The following COL5A3 variants were observed in gnomAD, a reference collection of about 807,000 sequenced individuals.
COL5A3 encodes the protein collagen type V alpha 3 chain.
COL5A3 carries 172 observed loss-of-function variants against 250.0 expected under a neutral mutation model. The observed-to-expected ratio is 0.69, with a 90% confidence interval of 0.61 to 0.78. COL5A3 has a LOEUF of 0.78. Among genes scored for constraint, COL5A3 ranks in the 30% least tolerant of loss-of-function variants. COL5A3 has a pLI of 0.00. For synonymous variants in COL5A3, 937 were observed against 900.4 expected (o/e 1.04, Z -0.73); for missense variants, 2,340 against 2,334.4 (o/e 1.00, Z -0.05).
At chr19:10,006,508 A>G (rs2087446572) in intron 1 of COL5A3, among the ~76,000 whole-genome samples, 1 of 151,116 alleles carries the variant, frequency 6.6e-6, no homozygotes, top group Non-Finnish European at 1.5e-5. Context: ...TAGTTCTGGG[A>G]TGAATCAAAA....
At chr19:9,966,811 A>T in intron 62 of COL5A3, 65 bp from the exon 63 acceptor site, 4 of 1,252,296 alleles carry the variant, frequency 3.2e-6, no homozygotes, top group Non-Finnish European at 4.4e-6. Flanking sequence ...AGGGAGAAAG[A>T]GAGACAGGCA....
chr19:9,973,901 C>T lies in COL5A3; in HGVS notation c.3558+18G>A, dbSNP rs1464605501. ...TGTCCCCATCTCTGAGCCTTCCTGGCCCCCCAAGAGTTCTCACCTCTGATC... is the reference window on the plus strand; with the variant it reads ...TGTCCCCATCTCTGAGCCTTCCTGGTCCCCCAAGAGTTCTCACCTCTGATC... On this transcript the variant is annotated intron_variant, in intron 48 of 66. Transcript: ENST00000264828. The T allele has an allele frequency of 1.0e-5, 16 of 1,587,978 alleles. No homozygotes were observed. The highest frequency in any genetic ancestry group is 1.3e-5 in the African/African-American group (1 of 74,238).
At position 9,973,490 on chromosome 19, in the gene COL5A3, G is replaced by A. The variant is rs1219207372; in HGVS notation, c.3666+80C>T. On this transcript the variant is annotated intron_variant, in intron 50 of 66. Transcript: ENST00000264828. ...TGAGTGGATGATCTTGCACTGTCCA[G>A]AGGTCAAAGTGGCCCAAGATGCCCA... is the stretch of plus-strand genomic sequence containing the variant. 3.5e-6 allele frequency: 5 copies of A among 1,423,418 alleles called. No individual in the cohort carries two copies. In the Admixed American group the frequency reaches 7.6e-5, roughly 22 times the overall value. The allele number at this position is 1,423,418 out of a possible 1,614,324, so 88.2% of individuals were successfully genotyped here. A position where few individuals can be genotyped will look rare whatever the true frequency, so the allele number is the denominator to read the frequency against.
intron 13 of COL5A3, 63 bp from the exon 14 acceptor site, chr19:9,996,325 G>A (rs2087271467): frequency 2.6e-6 from 4 of 1,547,566 alleles, no homozygotes; most frequent in Middle Eastern, 2.1e-4. Context: ...TCCCCACAGA[G>A]GCATCTTCAG....
At chr19:10,001,339 A>T (rs994901530) in intron 8 of COL5A3, among the ~76,000 whole-genome samples, 185 bp downstream of exon 8, 16 of 151,884 alleles carry the variant, frequency 1.1e-4, no homozygotes, top group Non-Finnish European at 2.1e-4. Context: ...TAGACATGGG[A>T]TTTCACCACG....
chr19:9,978,575 T>A lies in COL5A3; in HGVS notation c.3017A>T (p.Asn1006Ile). 6.3e-7 allele frequency: 1 copy of A among 1,578,906 alleles called. No individual in the cohort carries two copies. The highest frequency in any genetic ancestry group is 1.1e-5 in the South Asian group (1 of 88,402). Residue 1006 changes from asparagine (N) to isoleucine (I), a missense_variant and splice_region_variant, in exon 41 of 67, where the codon AAT becomes ATT. Physicochemically the swap from Asn to Ile is moderately radical, Grantham distance 149 (BLOSUM62 -3). Coordinates refer to ENST00000264828, the MANE Select transcript of COL5A3 (RefSeq NM_015719.4). Reference sequence around the variant, plus strand: ...CCCAGCACATGGGGTTATACTTACATTGGCCCCCACGGGCCCTGGGGGGCC... The same window carrying A: ...CCCAGCACATGGGGTTATACTTACAATGGCCCCCACGGGCCCTGGGGGGCC... Reference protein sequence around the residue: ...DKGPPGPVGANGSPGERGPLG... With the variant: ...DKGPPGPVGAIGSPGERGPLG...
At chr19:9,974,635 G>T (rs1235570371) in intron 45 of COL5A3, among the ~76,000 whole-genome samples, 1 of 152,122 alleles carries the variant, frequency 6.6e-6, no homozygotes, top group African/African-American at 2.4e-5. Flanking sequence ...TGCAGTTGAG[G>T]TTCAGTTCTT....
chr19:9,994,900 G>T (rs2087247514), intron 16 of COL5A3, among the ~76,000 whole-genome samples: 1 of 151,652 alleles, frequency 6.6e-6, no homozygotes, highest in Non-Finnish European at 1.5e-5. Context: ...CATGGGACCA[G>T]CATCTTATTT....
In COL5A3 at chr19:10,001,687, A is replaced by G; in HGVS notation, c.964-17T>C. ...CAAGCTCCTCTGAGAACGTTAGGAA[A>G]GACCAAAGTTTTCCCTGACCTCCTT... On this transcript the variant is annotated splice_polypyrimidine_tract_variant and intron_variant, in intron 7 of 66. Transcript: ENST00000264828. 2 of 1,613,518 alleles carry G rather than the reference A, an allele frequency of 1.2e-6. No individual in the cohort carries two copies. Among genetic ancestry groups the G allele is most frequent in the Non-Finnish European group, 1.7e-6 (2 of 1,179,666 alleles).
intron 1 of COL5A3, among the ~76,000 whole-genome samples, chr19:10,008,826 G>A (rs984672986): frequency 6.6e-6 from 1 of 152,144 alleles, no homozygotes; most frequent in Non-Finnish European, 1.5e-5. Context: ...TCTGATGGGG[G>A]AGTGCCGTTC....
intron 27 of COL5A3, among the ~76,000 whole-genome samples, chr19:9,988,121 C>T (rs1042410896): frequency 1.3e-5 from 2 of 152,082 alleles, no homozygotes; most frequent in Non-Finnish European, 2.9e-5. Context: ...TGTAATACCA[C>T]TACTCGAGAG....
chr19:9,970,149 A>T (rs1477171779), intron 54 of COL5A3, among the ~76,000 whole-genome samples: 4 of 26,360 alleles, frequency 1.5e-4, no homozygotes, highest in East Asian at 2.3e-3. Flanking sequence ...GCTGTGGGTG[A>T]GTGGGGTCTG....
In COL5A3 at chr19:9,974,906, G is replaced by C. The variant is rs186562292; in HGVS notation, c.3343-498C>G. On this transcript the variant is annotated intron_variant, in intron 45 of 66. Coordinates refer to ENST00000264828, the MANE Select transcript of COL5A3 (RefSeq NM_015719.4). ...TTTTGTTTGTTTGTTTTTGTTTTTT[G>C]TTTTGTTTTGAGAAGGAGTCTCACT... Among the ~76,000 whole-genome samples, 1,097 of 152,050 alleles carry C rather than the reference G, an allele frequency of 7.2e-3. 10 individuals are homozygous for C. The highest frequency in any genetic ancestry group is 0.025 in the African/African-American group (1,028 of 41,508).
rs2087227578 is a variant in COL5A3, at chr19:9,993,612, C to T, written c.1695+7G>A. 4 of 1,613,928 alleles carry T rather than the reference C, an allele frequency of 2.5e-6. No homozygotes were observed. The highest frequency in any genetic ancestry group is 2.5e-6 in the Non-Finnish European group (3 of 1,179,962). Reference sequence around the variant, plus strand: ...TTAGACTTGGGGGAGGGACCTCACACACTCACCCTTTGGCCCTTCTCACCA... The same window carrying T: ...TTAGACTTGGGGGAGGGACCTCACATACTCACCCTTTGGCCCTTCTCACCA... On this transcript the variant is annotated splice_region_variant and intron_variant, in intron 18 of 66. Coordinates refer to ENST00000264828, the MANE Select transcript of COL5A3 (RefSeq NM_015719.4).
At chr19:9,988,486 C>G (rs572055222) in intron 27 of COL5A3, among the ~76,000 whole-genome samples, 1 of 152,226 alleles carries the variant, frequency 6.6e-6, no homozygotes, top group African/African-American at 2.4e-5. Context: ...GGTTGCAGCT[C>G]TTGGCTTAAC....
chr19:9,977,433 T>C lies in COL5A3; in HGVS notation c.3166A>G (p.Ile1056Val), dbSNP rs1192554102. ...GPPGPTGKDG[I>V]PGPLGPLGPP... Reference sequence around the variant, plus strand: ...CCCAGAGGCCCCAGGGGCCCTGGGATCCCATCTTTGCCAGTGGGGCCAGGG... The same window carrying C: ...CCCAGAGGCCCCAGGGGCCCTGGGACCCCATCTTTGCCAGTGGGGCCAGGG... The change falls in exon 43 of 67, where the codon ATC becomes GTC. Residue 1056 changes from isoleucine to valine, a missense_variant. Ile to Val is a conservative substitution (Grantham distance 29, BLOSUM62 3). Around this residue, in one of 3 missense-constraint regions of COL5A3, gnomAD observed 1,179 missense variants for 1,162.6 expected, o/e 1.01. Transcript: ENST00000264828. 2 of 1,524,232 alleles carry C rather than the reference T, an allele frequency of 1.3e-6. No individual in the cohort carries two copies. Among genetic ancestry groups the C allele is most frequent in the Non-Finnish European group, 1.8e-6 (2 of 1,138,004 alleles). 94.4% of individuals were successfully genotyped at this position (1,524,232 alleles called of 1,614,324 possible).
At chr19:9,980,727 C>A in intron 34 of COL5A3, 35 bp from the exon 35 acceptor site, 1 of 1,614,156 alleles carries the variant, frequency 6.2e-7, no homozygotes, top group Non-Finnish European at 8.5e-7. Flanking sequence ...GGCCCCAGAA[C>A]AAACTCAACT....
intron 15 of COL5A3, 183 bp downstream of exon 15, chr19:9,995,883 A>G (rs1295904399): frequency 1.5e-6 from 1 of 656,726 alleles, no homozygotes; most frequent in African/African-American, 1.8e-5. Flanking sequence ...GCCTCAAGCA[A>G]TCCTCCCACC....
Position 9,971,002 on chromosome 19 carries a change from C to T in COL5A3, c.3855G>A (p.Lys1285=). The change falls in exon 53 of 67, where the codon AAG becomes AAA. Residue 1285 remains lysine (K), a synonymous_variant. Coordinates refer to ENST00000264828, the MANE Select transcript of COL5A3 (RefSeq NM_015719.4). Reference sequence around the variant, plus strand: ...GTCCCCCAACATCACCAGGGTCTCCCTTCTCCCCTGGGGAACCATCTATGC... The same window carrying T: ...GTCCCCCAACATCACCAGGGTCTCCTTTCTCCCCTGGGGAACCATCTATGC... The part of the protein sequence containing the change: ...VSGIDGSPGE[K]GDPGDVGGPG... 1.9e-6 allele frequency: 3 copies of T among 1,560,710 alleles called. No homozygotes were observed. Among genetic ancestry groups the T allele is most frequent in the Non-Finnish European group, 2.6e-6 (3 of 1,157,636 alleles).
Sources: allele counts gnomAD v4.1 joint callset (sites outside exome capture counted in the v4.1 genomes callset), GRCh38; gene constraint gnomAD v4.1.1; regional missense constraint gnomAD v4.1.1; transcripts MANE v1.5; gene names NCBI Gene and HGNC (gene_info 2026-07-23, HGNC 2026-07-21).